RLF: variants seen among roughly 807,000 people sequenced by gnomAD.
RLF encodes zinc finger protein Rlf.
Under a neutral mutation model 162.9 loss-of-function variants are expected in RLF, and 7 were observed. The ratio of observed to expected loss-of-function variants is 0.04; its 90% CI spans 0.02 to 0.08. The LOEUF (loss-of-function observed/expected upper bound fraction) is 0.08, where lower values mean the gene tolerates loss of function less well. Ranked by LOEUF, RLF falls within the 10% of genes least tolerant of loss-of-function variation. The pLI is 1.00. For missense variants in RLF, 1,664 were observed against 2,244.7 expected (o/e 0.74, Z 5.23); for synonymous variants, 782 against 791.5 (o/e 0.99, Z 0.20).
chr1:40,169,495 G>A (rs796667706), intron 1 of RLF, among the ~76,000 whole-genome samples: 13 of 149,908 alleles, frequency 8.7e-5, no homozygotes, highest in African/African-American at 2.9e-4. Flanking sequence ...GGGCGCCTGT[G>A]GTCCCAGCTA....
In RLF at chr1:40,222,767, G is replaced by A. The variant is rs1029296618; in HGVS notation, c.947+57G>A. On this transcript the variant is annotated intron_variant, in intron 6 of 7. Transcript: ENST00000372771. ...GTTAGTACATAGTATAGCATTTAGG[G>A]TTTATGTAAAATGTTAATTTGTTTC... 3.4e-6 allele frequency: 5 copies of A among 1,463,882 alleles called. No homozygotes were observed. The East Asian group carries it at 1.2e-4, about 34-fold the overall frequency. The allele number at this position is 1,463,882 out of a possible 1,614,324, so 90.7% of individuals were successfully genotyped here.
In RLF at chr1:40,239,758, T is replaced by C. The variant is rs1308954704; in HGVS notation, c.5056T>C (p.Cys1686Arg). The stretch of plus-strand genomic sequence containing the variant: ...TTCCAAAACCACTTCCCTAGAACAG[T>C]GTAATATAGTTCAGCCTCCTCCTCC... ...HSSKTTSLEQ[C>R]NIVQPPPPCK... The change falls in exon 8 of 8, where the codon TGT (cysteine) becomes CGT (arginine). Residue 1686 changes from cysteine (C) to arginine (R), a missense_variant. By Grantham distance (180) the Cys-to-Arg change is radical. Around this residue, in one of 15 missense-constraint regions of RLF, gnomAD observed 327 missense variants for 342.7 expected, o/e 0.95. Coordinates refer to ENST00000372771, the MANE Select transcript of RLF (RefSeq NM_012421.4). 6.2e-7 allele frequency: 1 copy of C among 1,614,090 alleles called. No homozygotes were observed. The highest frequency in any genetic ancestry group is 1.7e-5 in the Admixed American group (1 of 60,018).
chr1:40,185,465 A>C (rs1383001451), intron 1 of RLF, among the ~76,000 whole-genome samples: 4 of 118,712 alleles, frequency 3.4e-5, no homozygotes, highest in African/African-American at 1.2e-4. Flanking sequence ...TGAAAGGATT[A>C]CAGCCATCCT....
rs1254723959 is a variant in RLF at position 40,195,736 on chromosome 1, G to A, written c.579G>A (p.Leu193=). ...AAAACCCAGTTCTTCTTAAAATTCT[G>A]TCTCAACAGCCAGTAGAAACGGAGG... ...VWKNPVLLKI[L]SQQPVETEEV... Residue 193 remains leucine (L), a synonymous_variant, in exon 4 of 8, where the codon CTG becomes CTA. Transcript: ENST00000372771. 6 of 1,613,726 alleles carry A rather than the reference G, an allele frequency of 3.7e-6. No homozygotes were observed. Among genetic ancestry groups the A allele is most frequent in the East Asian group, 2.2e-5 (1 of 44,824 alleles).
intron 5 of RLF, among the ~76,000 whole-genome samples, chr1:40,219,282 T>G (rs1642962683): frequency 6.6e-6 from 1 of 152,188 alleles, no homozygotes; most frequent in African/African-American, 2.4e-5. Context: ...GGCATAATAC[T>G]GAGATTCTCT....
chr1:40,167,676 C>G (rs1412026639), intron 1 of RLF, among the ~76,000 whole-genome samples: 1 of 151,648 alleles, frequency 6.6e-6, no homozygotes, highest in African/African-American at 2.4e-5. Context: ...TAGCACTTCC[C>G]TATTGCCTTT....
chr1:40,209,283 G>C (rs77178126), intron 5 of RLF, among the ~76,000 whole-genome samples: 1 of 152,198 alleles, frequency 6.6e-6, no homozygotes, highest in African/African-American at 2.4e-5. Flanking sequence ...TAGCCATACA[G>C]CCTTGGCCAG....
chr1:40,161,412 A>G lies in RLF; in HGVS notation c.13A>G (p.Lys5Glu), dbSNP rs1011456947. 44 of 1,543,986 alleles carry G rather than the reference A, an allele frequency of 2.8e-5. No homozygotes were observed. The highest frequency in any genetic ancestry group is 3.6e-5 in the Non-Finnish European group (42 of 1,151,328). ...GGGCCGTGGGAAGATGGCGGACGGA[A>G]AGGGAGACGCCGCCGCTGTCGCCGG... is the stretch of plus-strand genomic sequence containing the variant. MADG[K>E]GDAAAVAGAG... The change falls in exon 1 of 8, where the codon AAG (lysine) becomes GAG (glutamate). Residue 5 changes from lysine (K) to glutamate (E), a missense_variant. Physicochemically the swap from Lys to Glu is moderately conservative, Grantham distance 56. Around this residue, in one of 15 missense-constraint regions of RLF, gnomAD observed 134 missense variants for 124.3 expected, o/e 1.08. Transcript: ENST00000372771. This position sits in a 1 kb window ranked among gnomAD's most constrained non-coding sequence, Gnocchi z 4.4.
intron 1 of RLF, among the ~76,000 whole-genome samples, chr1:40,169,839 C>T (rs957857681): frequency 2.0e-4 from 30 of 151,352 alleles, no homozygotes; most frequent in Admixed American, 1.3e-4. Context: ...ATTACAGGTG[C>T]TCATCACCAC....
chr1:40,223,077 G>A (rs1435996024), intron 6 of RLF, among the ~76,000 whole-genome samples: 2 of 152,080 alleles, frequency 1.3e-5, no homozygotes, highest in Admixed American at 6.5e-5. Context: ...AAATGAAAAG[G>A]ATCAAATTAT....
chr1:40,166,554 C>T (rs1364934306), intron 1 of RLF, among the ~76,000 whole-genome samples: 1 of 151,840 alleles, frequency 6.6e-6, no homozygotes, highest in Non-Finnish European at 1.5e-5. Flanking sequence ...CACAGGCACA[C>T]GTATGTTTAT....
chr1:40,215,703 TC>T (rs944131089), intron 5 of RLF, among the ~76,000 whole-genome samples: 5 of 151,972 alleles, frequency 3.3e-5, no homozygotes, highest in African/African-American at 1.2e-4. Flanking sequence ...CACTTCAGCC[TC>T]CCAAAGTGTT....
intron 1 of RLF, among the ~76,000 whole-genome samples, chr1:40,173,843 C>T (rs1399396618): frequency 6.6e-6 from 1 of 152,082 alleles, no homozygotes; most frequent in African/African-American, 2.4e-5. Context: ...TTTTAGGTCT[C>T]TTTGAAGTTC....
At chr1:40,227,956 TCG>T in intron 6 of RLF, among the ~76,000 whole-genome samples, 1 of 151,574 alleles carries the variant, frequency 6.6e-6, no homozygotes, top group Non-Finnish European at 1.5e-5. Flanking sequence ...TAAGCCGATA[TCG>T]CACCACTGCA....
intron 6 of RLF, among the ~76,000 whole-genome samples, chr1:40,223,615 G>A (rs887192235): frequency 2.6e-5 from 4 of 152,156 alleles, no homozygotes; most frequent in African/African-American, 9.7e-5. Flanking sequence ...ATCTCCCTCT[G>A]GATCGTCTGT....
chr1:40,237,406 C>A lies in RLF; in HGVS notation c.2704C>A (p.His902Asn). The change falls in exon 8 of 8, where the codon CAT (histidine) becomes AAT (asparagine). Residue 902 changes from histidine (H) to asparagine (N), a missense_variant. His to Asn is a moderately conservative substitution (Grantham distance 68, BLOSUM62 1). This residue lies in a region of RLF where 295 missense variants were observed against 317.4 expected (regional missense o/e 0.93). Coordinates refer to ENST00000372771, the MANE Select transcript of RLF (RefSeq NM_012421.4). The surrounding 1 kb of genome is among the most constrained non-coding windows in gnomAD (Gnocchi z 4.4). The part of the protein sequence containing the change: ...SDSNSSDQLS[H>N]SSSASMNEEL... ...CAGTAATTCTAGTGATCAGTTAAGT[C>A]ATAGCTCTTCAGCTTCAATGAATGA... The A allele has an allele frequency of 6.2e-7, 1 of 1,613,986 alleles. No individual in the cohort carries two copies. The highest frequency in any genetic ancestry group is 1.1e-5 in the South Asian group (1 of 91,036).
At chr1:40,208,933 T>A (rs570855258) in intron 5 of RLF, among the ~76,000 whole-genome samples, 1 of 152,354 alleles carries the variant, frequency 6.6e-6, no homozygotes, top group Non-Finnish European at 1.5e-5. Flanking sequence ...AAATCCAAGG[T>A]GATCTGCCTC....
intron 1 of RLF, among the ~76,000 whole-genome samples, chr1:40,163,391 T>A (rs531015238): frequency 2.0e-5 from 3 of 152,182 alleles, no homozygotes; most frequent in African/African-American, 7.2e-5. Context: ...GTTGTCTCCC[T>A]GGAAAGATGA....
At chr1:40,175,609 A>G (rs1049928285) in intron 1 of RLF, among the ~76,000 whole-genome samples, 1 of 152,042 alleles carries the variant, frequency 6.6e-6, no homozygotes, top group Non-Finnish European at 1.5e-5. Context: ...AGATCGAGCC[A>G]TTGCACTCCA....
Sources: gnomAD v4.1 joint callset for allele counts (sites outside exome capture counted in the v4.1 genomes callset) on GRCh38, gnomAD v4.1.1 for gene constraint, gnomAD v4.1.1 regional missense constraint, Gnocchi (gnomAD v3.1) non-coding constraint, MANE v1.5 for transcripts, NCBI Gene and HGNC (gene_info 2026-07-23, HGNC 2026-07-21) for gene names.